FRK: variants seen among roughly 807,000 people sequenced by gnomAD.
The protein encoded by FRK is fyn related Src family tyrosine kinase.
In FRK, 51 loss-of-function variants were observed where a neutral mutation model predicts 56.4. The ratio of observed to expected loss-of-function variants is 0.90; its 90% CI spans 0.72 to 1.14. FRK has a LOEUF of 1.14. Ranked by LOEUF, FRK falls within the 50% of genes most tolerant of loss-of-function variation. FRK has a pLI of 0.00. For synonymous variants in FRK, 245 were observed against 217.9 expected (o/e 1.12, Z -1.10); for missense variants, 570 against 601.4 (o/e 0.95, Z 0.55).
the FRK span, among the ~76,000 whole-genome samples, chr6:116,098,124 TTTTA>T: frequency 2.2e-4 from 30 of 135,926 alleles, 1 homozygote; most frequent in Middle Eastern, 3.6e-3. Context: ...TTTTTTTTTT[TTTTA>T]AAAGACAGGG....
chr6:115,965,906 C>G (rs9387377), intron 4 of FRK, among the ~76,000 whole-genome samples: 2 of 78,312 alleles, frequency 2.6e-5, no homozygotes, highest in East Asian at 4.4e-4. Flanking sequence ...GTGGTGGGGT[C>G]GGGGGAGGGG....
At chr6:115,949,730 C>T (rs1386295162) in intron 5 of FRK, among the ~76,000 whole-genome samples, 2 of 152,140 alleles carry the variant, frequency 1.3e-5, no homozygotes, top group Non-Finnish European at 2.9e-5. Context: ...CCAAGACAAT[C>T]CTAAGCAAAA....
rs5879361 is a variant in FRK at position 115,958,820 on chromosome 6, AAAAG to A, written c.800-2214_800-2211del. ...AGAAAAAGAAAGAAAGAAAGAAAGAAAAAGAAAGAAAGAAAGAAAGAGAAAGGAA... is the reference window on the plus strand; with the variant it reads ...AGAAAAAGAAAGAAAGAAAGAAAGAAAAAGAAAGAAAGAAAGAGAAAGGAA... On this transcript the variant is annotated intron_variant, in intron 4 of 7. Coordinates refer to ENST00000606080, the MANE Select transcript of FRK (RefSeq NM_002031.3). Among the ~76,000 whole-genome samples the A allele has an allele frequency of 7.9e-3, 1,054 of 132,680 alleles. 48 individuals carry two copies. The highest frequency in any genetic ancestry group is 0.021 in the African/African-American group (739 of 34,948). 87.0% of individuals were successfully genotyped at this position (132,680 alleles called of 152,430 possible). A position where few individuals can be genotyped will look rare whatever the true frequency, so the allele number is the denominator to read the frequency against.
rs957674011 is a variant in FRK, at chr6:115,941,735, T to G, written c.*679A>C. 1.3e-5 allele frequency: 2 copies of G among 152,324 alleles called. No individual in the cohort carries two copies. Among genetic ancestry groups the G allele is most frequent in the East Asian group, 1.9e-4 (1 of 5,200 alleles). 9.4% of individuals were successfully genotyped at this position (152,324 alleles called of 1,614,324 possible). A position where few individuals can be genotyped will look rare whatever the true frequency, so the allele number is the denominator to read the frequency against. ...CTCAATATTAAGAGATTAAAACTAA[T>G]GTATATGACTCTCAGTTGACACATA... On this transcript the variant is annotated 3_prime_UTR_variant, in exon 8 of 8. Coordinates refer to ENST00000606080, the MANE Select transcript of FRK (RefSeq NM_002031.3).
chr6:115,986,618 G>A (rs962738346), intron 2 of FRK, among the ~76,000 whole-genome samples: 2 of 152,128 alleles, frequency 1.3e-5, no homozygotes, highest in Admixed American at 1.3e-4. Flanking sequence ...GTTTTAAAGA[G>A]GTGATCTCTT....
intron 1 of FRK, among the ~76,000 whole-genome samples, chr6:116,056,536 A>G (rs1469653488): frequency 6.6e-6 from 1 of 152,190 alleles, no homozygotes; most frequent in Non-Finnish European, 1.5e-5. Context: ...TGCTGATCAT[A>G]TTGCTTTTTA....
intron 1 of FRK, among the ~76,000 whole-genome samples, chr6:116,029,415 G>T (rs1416736304): frequency 2.0e-5 from 3 of 152,092 alleles, no homozygotes; most frequent in Non-Finnish European, 2.9e-5. Flanking sequence ...TGCTATGAGA[G>T]ATACTACAGC....
chr6:115,955,454 T>A (rs1417968884), intron 5 of FRK, among the ~76,000 whole-genome samples: 2 of 152,188 alleles, frequency 1.3e-5, no homozygotes, highest in Non-Finnish European at 2.9e-5. Context: ...CAAAAGGGGT[T>A]ATTTAATAGC....
At chr6:116,003,088 T>C (rs1300584830) in intron 2 of FRK, among the ~76,000 whole-genome samples, 1 of 152,080 alleles carries the variant, frequency 6.6e-6, no homozygotes, top group East Asian at 1.9e-4. Flanking sequence ...AAGCAAAGCC[T>C]CTCCCTCCAC....
chr6:115,991,639 A>G (rs1774610402), intron 2 of FRK, among the ~76,000 whole-genome samples: 1 of 151,796 alleles, frequency 6.6e-6, no homozygotes, highest in Admixed American at 6.6e-5. Context: ...ATCATGATGA[A>G]TTATCTTTTT....
intron 5 of FRK, among the ~76,000 whole-genome samples, chr6:115,955,486 G>A (rs1207051112): frequency 2.0e-5 from 3 of 152,234 alleles, no homozygotes; most frequent in East Asian, 3.9e-4. Context: ...TTTCTATGGT[G>A]GGTAACATAT....
intron 1 of FRK, among the ~76,000 whole-genome samples, chr6:116,035,044 G>A (rs1776423282): frequency 6.6e-6 from 1 of 151,950 alleles, no homozygotes; most frequent in South Asian, 2.1e-4. Flanking sequence ...CTTTTTATAT[G>A]TTTGAACTTT....
Position 115,940,829 on chromosome 6 carries a change from C to A in FRK, c.*1585G>T, listed in dbSNP as rs971429919. The A allele has an allele frequency of 6.6e-6, 1 of 152,128 alleles. No homozygotes were observed. Among genetic ancestry groups the A allele is most frequent in the African/African-American group, 2.4e-5 (1 of 41,416 alleles). The allele number at this position is 152,128 out of a possible 1,614,324, so 9.4% of individuals were successfully genotyped here. ...TGATCATTAAAAAGTCAGGAAACAA[C>A]AGGATGCTGTTTTGGATGCCAAAGA... On this transcript the variant is annotated 3_prime_UTR_variant, in exon 8 of 8. Coordinates refer to ENST00000606080, the MANE Select transcript of FRK (RefSeq NM_002031.3).
At chr6:116,071,998 T>C in the FRK span, among the ~76,000 whole-genome samples, 1 of 152,186 alleles carries the variant, frequency 6.6e-6, no homozygotes, top group African/African-American at 2.4e-5. Context: ...CCCTGCTAGA[T>C]ATCAGGCAGG....
In FRK at chr6:115,944,369, C is replaced by T; in HGVS notation, c.1015G>A (p.Ala339Thr). 6.2e-7 allele frequency: 1 copy of T among 1,612,794 alleles called. No individual in the cohort carries two copies. The highest frequency in any genetic ancestry group is 8.5e-7 in the Non-Finnish European group (1 of 1,179,538). The change falls in exon 6 of 8, where the codon GCC (alanine) becomes ACC (threonine). Residue 339 changes from alanine (A) to threonine (T), a missense_variant. Transcript: ENST00000606080. ...TQQVDMAAQV[A>T]SGMAYLESRN... The stretch of plus-strand genomic sequence containing the variant: ...GACTCCAGATAGGCCATTCCAGAGG[C>T]AACCTGTGCCGCCATGTCTACCTGT...
At chr6:116,043,693 C>T (rs1471062582) in intron 1 of FRK, among the ~76,000 whole-genome samples, 1 of 151,856 alleles carries the variant, frequency 6.6e-6, no homozygotes, top group Non-Finnish European at 1.5e-5. Flanking sequence ...GACGCAAGAG[C>T]AAACAAATTC....
At chr6:115,976,616 T>C (rs1019696601) in intron 2 of FRK, among the ~76,000 whole-genome samples, 3 of 152,178 alleles carry the variant, frequency 2.0e-5, no homozygotes, top group African/African-American at 7.2e-5. Context: ...CTTCCCATAC[T>C]GAGTAAAACA....
In FRK at chr6:115,968,745, A is replaced by T. The variant is rs1756470090; in HGVS notation, c.467-6T>A. On this transcript the variant is annotated splice_region_variant and splice_polypyrimidine_tract_variant and intron_variant, in intron 2 of 7. Coordinates refer to ENST00000606080, the MANE Select transcript of FRK (RefSeq NM_002031.3). ...TACAACTGCTCCATCTAAAACTGGA[A>T]CCCAAAATAATTCCTGTTAATAAAC... 4 of 1,608,986 alleles carry T rather than the reference A, an allele frequency of 2.5e-6. No individual in the cohort carries two copies. Among genetic ancestry groups the T allele is most frequent in the Non-Finnish European group, 3.4e-6 (4 of 1,177,640 alleles).
At chr6:116,099,412 T>G in the FRK span, among the ~76,000 whole-genome samples, 4 of 152,254 alleles carry the variant, frequency 2.6e-5, no homozygotes, top group African/African-American at 9.6e-5. Context: ...TTGACTTTGG[T>G]AGCATTCTAT....
Sources: gnomAD v4.1 joint callset for allele counts (sites outside exome capture counted in the v4.1 genomes callset) on GRCh38, gnomAD v4.1.1 for gene constraint, MANE v1.5 for transcripts, NCBI Gene and HGNC (gene_info 2026-07-23, HGNC 2026-07-21) for gene names.